NKAIN1: variants seen among roughly 807,000 people sequenced by gnomAD.
NKAIN1 encodes sodium/potassium transporting ATPase interacting 1.
A neutral mutation model predicts 31.6 loss-of-function variants in NKAIN1; 13 were observed. That is an observed-to-expected ratio of 0.41 (90% confidence interval 0.27 to 0.65). The LOEUF (loss-of-function observed/expected upper bound fraction) is 0.65. Ranked by LOEUF, NKAIN1 falls within the 30% of genes least tolerant of loss-of-function variation. The probability of loss-of-function intolerance (pLI) is 0.30; values close to 1 mark genes in which losing one functional copy is unlikely to be tolerated. For missense variants in NKAIN1, 193 were observed against 262.2 expected (o/e 0.74, Z 1.82); for synonymous variants, 104 against 109.0 (o/e 0.95, Z 0.28).
rs542400624 is a variant in NKAIN1 at position 31,234,257 on chromosome 1, A to G, written c.54+5237T>C. On this transcript the variant is annotated intron_variant, in intron 1 of 6. Transcript: ENST00000373736. Reference sequence around the variant, plus strand: ...TCTGATACCCGGCCCAAGGACCTCAAGCACCCGAAGCAGAACCAGACCCTC... The same window carrying G: ...TCTGATACCCGGCCCAAGGACCTCAGGCACCCGAAGCAGAACCAGACCCTC... 1.1e-4 allele frequency among the ~76,000 whole-genome samples: 17 copies of G among 152,342 alleles called. No individual in the cohort carries two copies. In the South Asian group the frequency reaches 3.3e-3, roughly 30 times the overall value.
At chr1:31,211,603 C>CTTTT (rs35958405) in intron 1 of NKAIN1, among the ~76,000 whole-genome samples, 390 of 146,540 alleles carry the variant, frequency 2.7e-3, no homozygotes, top group African/African-American at 5.8e-3. Context: ...TTCCAACTAC[C>CTTTT]TTTTTTTTTT....
Position 31,225,877 on chromosome 1 carries a change from G to C in NKAIN1, c.54+13617C>G, listed in dbSNP as rs140730998. On this transcript the variant is annotated intron_variant, in intron 1 of 6. Transcript: ENST00000373736. ...AAGAGGTGGGAGAAACTCACATTTC[G>C]GTGACTGCCACCTCCATGCTGGTGG... 1.6e-3 allele frequency among the ~76,000 whole-genome samples: 240 copies of C among 152,306 alleles called. 2 individuals are homozygous for C. Among genetic ancestry groups the C allele is most frequent in the African/African-American group, 5.6e-3 (232 of 41,570 alleles).
At chr1:31,198,869 A>C (rs1311846243) in intron 1 of NKAIN1, among the ~76,000 whole-genome samples, 11 of 152,174 alleles carry the variant, frequency 7.2e-5, no homozygotes, top group Non-Finnish European at 1.5e-4. Context: ...AGGAGCCCAC[A>C]CAAGGTGGGG....
chr1:31,206,273 T>TAAAAATAAACAAA (rs60976297), intron 1 of NKAIN1, among the ~76,000 whole-genome samples: 1 of 13,668 alleles, frequency 7.3e-5, no homozygotes, highest in Non-Finnish European at 3.8e-4. Flanking sequence ...ATAAATAAAC[T>TAAAAATAAACAAA]CTCTGGTTTA....
intron 1 of NKAIN1, among the ~76,000 whole-genome samples, chr1:31,218,055 TCTTTCTTTCTTTC>T (rs1273350082): frequency 2.8e-5 from 4 of 143,036 alleles, no homozygotes; most frequent in East Asian, 4.3e-4. Context: ...TTTCTTTCTT[TCTTTCTTTCTTTC>T]TTTTTTTTTT....
chr1:31,208,788 C>T (rs1438361046), intron 1 of NKAIN1, among the ~76,000 whole-genome samples: 1 of 152,238 alleles, frequency 6.6e-6, no homozygotes, highest in East Asian at 1.9e-4. Flanking sequence ...TTCAGGAACT[C>T]TGGCTCTTCC....
At chr1:31,196,769 A>G (rs1468209028) in intron 1 of NKAIN1, among the ~76,000 whole-genome samples, 1 of 152,062 alleles carries the variant, frequency 6.6e-6, no homozygotes. Flanking sequence ...GATGAATTTC[A>G]GTCCTCATCT....
chr1:31,211,084 T>G (rs1557657492), intron 1 of NKAIN1, among the ~76,000 whole-genome samples: 1 of 152,222 alleles, frequency 6.6e-6, no homozygotes, highest in African/African-American at 2.4e-5. Flanking sequence ...GCTTTCCCCC[T>G]AAGATCAGGA....
chr1:31,205,166 T>C (rs1645413468), intron 1 of NKAIN1, among the ~76,000 whole-genome samples: 1 of 151,766 alleles, frequency 6.6e-6, no homozygotes, highest in Admixed American at 6.6e-5. Context: ...TGAGATGGAG[T>C]CTCGCCCGGG....
rs964275133 is a variant in NKAIN1 at position 31,182,449 on chromosome 1, CG to C, written c.532+80del. ...TGGCCGACCCTGGGCTCCCTCCCGC[CG>C]GGGCCAGTCACAGGCCTCTGTCCAG... On this transcript the variant is annotated intron_variant, in intron 5 of 6. Transcript: ENST00000373736. The C allele has an allele frequency of 2.0e-5, 31 of 1,520,198 alleles. No individual in the cohort carries two copies. The African/African-American group carries it at 3.1e-4, about 15-fold the overall frequency. The allele number at this position is 1,520,198 out of a possible 1,614,324, so 94.2% of individuals were successfully genotyped here.
rs180852446 is a variant in NKAIN1 at position 31,187,585 on chromosome 1, C to T, written c.192+465G>A. Among the ~76,000 whole-genome samples the T allele has an allele frequency of 5.4e-4, 82 of 152,216 alleles. 1 individual carries two copies. The highest frequency in any genetic ancestry group is 1.7e-3 in the African/African-American group (72 of 41,534). On this transcript the variant is annotated intron_variant, in intron 2 of 6. Transcript: ENST00000373736. Reference sequence around the variant, plus strand: ...CCTTGCGCCCACCCCTTCCTGAGGCCGTGTGGTGCCGCAGCAGGAGCCTTC... The same window carrying T: ...CCTTGCGCCCACCCCTTCCTGAGGCTGTGTGGTGCCGCAGCAGGAGCCTTC...
chr1:31,221,530 G>C (rs1257239034), intron 1 of NKAIN1, among the ~76,000 whole-genome samples: 3 of 152,092 alleles, frequency 2.0e-5, no homozygotes, highest in Admixed American at 6.6e-5. Context: ...CCGCCTCCCG[G>C]GTTCAAGCGA....
chr1:31,239,883 G>C lies in NKAIN1; in HGVS notation c.-336C>G, dbSNP rs1487855592. ...CCCGAGCGCGGCGCAGCGCAGAGCA[G>C]CACTGCCCAGCTGGGGCAGTCGCCC... On this transcript the variant is annotated 5_prime_UTR_variant, in exon 1 of 7. Transcript: ENST00000373736. The surrounding 1 kb of genome is among the most constrained non-coding windows in gnomAD (Gnocchi z 4.8). Among the ~76,000 whole-genome samples the C allele has an allele frequency of 1.3e-5, 2 of 152,080 alleles. No individual in the cohort carries two copies. The highest frequency in any genetic ancestry group is 2.9e-5 in the Non-Finnish European group (2 of 67,972).
intron 3 of NKAIN1, 115 bp downstream of exon 3, chr1:31,185,132 G>T: frequency 1.3e-6 from 1 of 787,298 alleles, no homozygotes; most frequent in South Asian, 1.7e-5. Flanking sequence ...GGGCATGTAA[G>T]GAGAGAGAGA....
At chr1:31,205,440 C>T (rs111410494) in intron 1 of NKAIN1, among the ~76,000 whole-genome samples, 11,666 of 151,972 alleles carry the variant, frequency 0.077, 1,086 homozygotes, top group African/African-American at 0.22. Context: ...TCCTGAGTAG[C>T]CACAACTACG....
At chr1:31,195,817 T>G (rs1298571596) in intron 1 of NKAIN1, among the ~76,000 whole-genome samples, 1 of 144,946 alleles carries the variant, frequency 6.9e-6, no homozygotes, top group Non-Finnish European at 1.5e-5. Context: ...CCCAGCTACT[T>G]GAGAGGCTGA....
At chr1:31,188,438 TCTAGCG>T in intron 1 of NKAIN1, 1 of 455,216 alleles carries the variant, frequency 2.2e-6, no homozygotes. Flanking sequence ...GGCCCTTCCC[TCTAGCG>T]GCTCAAGCTC....
rs68130525 is a variant in NKAIN1 at position 31,214,012 on chromosome 1, A to AAATT, written c.54+25478_54+25481dup. ...CTGTCTCAAAAAAAGAATAAAATAAAAATTAATTAATTAATTAATTAATTA... is the reference window on the plus strand; with the variant it reads ...CTGTCTCAAAAAAAGAATAAAATAAAAATTAATTAATTAATTAATTAATTAATTA... On this transcript the variant is annotated intron_variant, in intron 1 of 6. Coordinates refer to ENST00000373736, the MANE Select transcript of NKAIN1 (RefSeq NM_024522.3). Among the ~76,000 whole-genome samples, 146 of 21,928 alleles carry AAATT rather than the reference A, an allele frequency of 6.7e-3. 4 individuals carry two copies. Among genetic ancestry groups the AAATT allele is most frequent in the African/African-American group, 9.5e-3 (103 of 10,894 alleles). The allele number at this position is 21,928 out of a possible 152,430, so 14.4% of individuals were successfully genotyped here. A position where few individuals can be genotyped will look rare whatever the true frequency, so the allele number is the denominator to read the frequency against.
chr1:31,182,809 T>G (rs1455483619), intron 4 of NKAIN1, among the ~76,000 whole-genome samples: 2 of 152,240 alleles, frequency 1.3e-5, no homozygotes, highest in Non-Finnish European at 2.9e-5. Flanking sequence ...ATTTTACCTC[T>G]TTGAGCCTCA....
Sources: gnomAD v4.1 joint callset for allele counts (sites outside exome capture counted in the v4.1 genomes callset) on GRCh38, gnomAD v4.1.1 for gene constraint, Gnocchi (gnomAD v3.1) non-coding constraint, MANE v1.5 for transcripts, NCBI Gene and HGNC (gene_info 2026-07-23, HGNC 2026-07-21) for gene names.